Variants in ZNF346 observed in about 807,000 individuals in gnomAD.
ZNF346 encodes the protein zinc finger protein 346.
Under a neutral mutation model 33.7 loss-of-function variants are expected in ZNF346, and 23 were observed. The ratio of observed to expected loss-of-function variants is 0.68; its 90% CI spans 0.49 to 0.97. The LOEUF (loss-of-function observed/expected upper bound fraction) is 0.97, where lower values mean the gene tolerates loss of function less well. ZNF346 is among the 50% of genes least tolerant of loss of function. The pLI is 0.00. For missense variants in ZNF346, 340 were observed against 371.1 expected, an observed-to-expected ratio of 0.92 and a Z score of 0.69; for synonymous variants, 134 against 142.4, an observed-to-expected ratio of 0.94 and a Z score of 0.42.
intron 5 of ZNF346, among the ~76,000 whole-genome samples, chr5:177,057,823 T>G (rs1451723036): frequency 6.6e-6 from 1 of 150,772 alleles, no homozygotes; most frequent in African/African-American, 2.4e-5. Flanking sequence ...TTTATTTATT[T>G]ATTTATTTAT....
chr5:177,032,049 C>T (rs1435578879), intron 1 of ZNF346, among the ~76,000 whole-genome samples: 1 of 137,658 alleles, frequency 7.3e-6, no homozygotes, highest in Non-Finnish European at 1.5e-5. Context: ...CTCTTGTTGC[C>T]CAGGAGTGCA....
At chr5:177,063,796 G>A (rs1022162357) in intron 6 of ZNF346, among the ~76,000 whole-genome samples, 1 of 152,162 alleles carries the variant, frequency 6.6e-6, no homozygotes, top group African/African-American at 2.4e-5. Flanking sequence ...GCTGAAGTGG[G>A]AGAATAGCTT....
Position 177,067,267 on chromosome 5 carries a change from A to T in ZNF346, c.*2668A>T, listed in dbSNP as rs185247654. On this transcript the variant is annotated 3_prime_UTR_variant, in exon 7 of 7. Coordinates refer to ENST00000358149, the MANE Select transcript of ZNF346 (RefSeq NM_012279.4). ...CTAAAAATAATAATTTTTAAAATTTAAAAAAAGAAAGGAATGTTATGGCCT... is the reference window on the plus strand; with the variant it reads ...CTAAAAATAATAATTTTTAAAATTTTAAAAAAGAAAGGAATGTTATGGCCT... 1.3e-4 allele frequency among the ~76,000 whole-genome samples: 20 copies of T among 152,256 alleles called. No individual in the cohort carries two copies. The East Asian group carries it at 3.7e-3, about 28-fold the overall frequency.
chr5:177,064,363 C>T (rs769145244), intron 6 of ZNF346, 149 bp from the exon 7 acceptor site: 1 of 611,316 alleles, frequency 1.6e-6, no homozygotes, highest in Non-Finnish European at 2.9e-6. Context: ...GCTAAGCATC[C>T]AGCATTCTGC....
intron 1 of ZNF346, among the ~76,000 whole-genome samples, chr5:177,030,286 G>A (rs541044784): frequency 3.3e-5 from 5 of 152,018 alleles, no homozygotes; most frequent in Admixed American, 2.0e-4. Flanking sequence ...ATTCCATTGC[G>A]TTCAAAGAAT....
At chr5:177,040,166 G>T (rs573956349) in intron 1 of ZNF346, among the ~76,000 whole-genome samples, 1 of 145,174 alleles carries the variant, frequency 6.9e-6, no homozygotes, top group African/African-American at 2.6e-5. Flanking sequence ...GGGTGACAGA[G>T]CGAGACTCCC....
rs183851758 is a variant in ZNF346 at position 177,047,238 on chromosome 5, G to A, written c.517+2705G>A. 2.1e-3 allele frequency among the ~76,000 whole-genome samples: 314 copies of A among 151,828 alleles called. 4 individuals are homozygous for A. The highest frequency in any genetic ancestry group is 7.0e-3 in the African/African-American group (289 of 41,444). ...CAATTTTTGTGTTTTTATTAGAGAC[G>A]GGGTTTCACTATGTTGCCCAGGCTG... On this transcript the variant is annotated intron_variant, in intron 4 of 6. Coordinates refer to ENST00000358149, the MANE Select transcript of ZNF346 (RefSeq NM_012279.4).
chr5:177,059,968 G>T (rs1470649690), intron 5 of ZNF346, among the ~76,000 whole-genome samples: 1 of 152,200 alleles, frequency 6.6e-6, no homozygotes, highest in Non-Finnish European at 1.5e-5. Flanking sequence ...TAAGATGGGG[G>T]AGCAGGGATC....
At chr5:177,040,338 G>A (rs1263436867) in intron 1 of ZNF346, among the ~76,000 whole-genome samples, 1 of 152,024 alleles carries the variant, frequency 6.6e-6, no homozygotes, top group East Asian at 1.9e-4. Flanking sequence ...AATACGTTAT[G>A]TGATTTTATT....
chr5:177,050,698 T>C (rs2149666472), intron 4 of ZNF346, 53 bp from the exon 5 acceptor site: 1 of 1,607,980 alleles, frequency 6.2e-7, no homozygotes, highest in Non-Finnish European at 8.5e-7. Context: ...ACTCTCTCAC[T>C]GCAGCTCTGT....
At chr5:177,058,404 G>C (rs1370977808) in intron 5 of ZNF346, among the ~76,000 whole-genome samples, 1 of 151,840 alleles carries the variant, frequency 6.6e-6, no homozygotes, top group Non-Finnish European at 1.5e-5. Context: ...CTGGGAGGCG[G>C]AGGTTGCAGT....
intron 4 of ZNF346, among the ~76,000 whole-genome samples, chr5:177,049,502 A>G (rs1157273116): frequency 6.6e-6 from 1 of 152,232 alleles, no homozygotes; most frequent in Admixed American, 6.5e-5. Flanking sequence ...TAGAGTCAAC[A>G]TCAAGCCATA....
rs1445811396 is a variant in ZNF346, at chr5:177,065,748, A to AG, written c.*1151dup. The AG allele has an allele frequency of 6.6e-6, 1 of 152,156 alleles. No homozygotes were observed. Among genetic ancestry groups the AG allele is most frequent in the Non-Finnish European group, 1.5e-5 (1 of 68,008 alleles). The allele number at this position is 152,156 out of a possible 1,614,324, so 9.4% of individuals were successfully genotyped here. On this transcript the variant is annotated 3_prime_UTR_variant, in exon 7 of 7. Coordinates refer to ENST00000358149, the MANE Select transcript of ZNF346 (RefSeq NM_012279.4). ...GAATTCCAAGGAGTGTCACCATCAG[A>AG]GGCTTCTCTTCATTGTGTCAAAGAA...
At chr5:177,075,694 C>CT (rs915861417) in intron 8 of ZNF346, among the ~76,000 whole-genome samples, 27 of 147,944 alleles carry the variant, frequency 1.8e-4, no homozygotes, top group East Asian at 4.1e-4. Context: ...TTTTTTTTTC[C>CT]TTTTTTTTTG....
chr5:177,062,033 A>C, intron 5 of ZNF346, 25 bp from the exon 6 acceptor site: 1 of 1,598,938 alleles, frequency 6.3e-7, no homozygotes, highest in East Asian at 2.2e-5. Flanking sequence ...TGGATTACTA[A>C]GATCTTGATT....
chr5:177,040,059 T>G (rs950791862), intron 1 of ZNF346, among the ~76,000 whole-genome samples: 3 of 151,670 alleles, frequency 2.0e-5, no homozygotes, highest in Admixed American at 6.6e-5. Context: ...TGGGTGCCTG[T>G]AATCCCAACT....
downstream of ZNF346, among the ~76,000 whole-genome samples, chr5:177,072,467 G>A (rs6886407): frequency 0.13 from 19,635 of 152,166 alleles, 2,961 homozygotes; most frequent in African/African-American, 0.37. Context: ...GATTCCAGGA[G>A]TGAGCCTGTG....
chr5:177,044,806 C>T (rs1561995889), intron 4 of ZNF346, among the ~76,000 whole-genome samples: 1 of 152,168 alleles, frequency 6.6e-6, no homozygotes, highest in African/African-American at 2.4e-5. Flanking sequence ...TGCCAAAGTC[C>T]TCCAGGCCAC....
chr5:177,067,751 A>G lies in ZNF346; in HGVS notation c.*3152A>G, dbSNP rs1435718974. ...AGCCAAGGGCATGAAAAAGCTGGAG[A>G]GGTTGGAAAGCTAGCATTTCATCTG... On this transcript the variant is annotated 3_prime_UTR_variant, in exon 7 of 7. Transcript: ENST00000358149. Among the ~76,000 whole-genome samples the G allele has an allele frequency of 6.6e-6, 1 of 152,202 alleles. No homozygotes were observed. The highest frequency in any genetic ancestry group is 1.5e-5 in the Non-Finnish European group (1 of 68,042).
Sources: allele counts gnomAD v4.1 joint callset (sites outside exome capture counted in the v4.1 genomes callset), GRCh38; gene constraint gnomAD v4.1.1; transcripts MANE v1.5; gene names NCBI Gene and HGNC (gene_info 2026-07-23, HGNC 2026-07-21).